The following TCF7L1 variants were observed in gnomAD, a reference collection of about 807,000 sequenced individuals.
TCF7L1 encodes the protein transcription factor 7 like 1.
A neutral mutation model predicts 63.7 loss-of-function variants in TCF7L1; 18 were observed. The ratio of observed to expected loss-of-function variants is 0.28; its 90% CI spans 0.20 to 0.42. The LOEUF (loss-of-function observed/expected upper bound fraction) is 0.42. Ranked by LOEUF, TCF7L1 falls within the 10% of genes least tolerant of loss-of-function variation. The probability of loss-of-function intolerance (pLI) is 1.00; values close to 1 mark genes in which losing one functional copy is unlikely to be tolerated. For missense variants in TCF7L1, 654 were observed against 779.3 expected, an observed-to-expected ratio of 0.84 and a Z score of 1.91; for synonymous variants, 355 against 340.9, an observed-to-expected ratio of 1.04 and a Z score of -0.46.
At chr2:85,255,295 G>A (rs1395907083) in intron 3 of TCF7L1, among the ~76,000 whole-genome samples, 1 of 152,166 alleles carries the variant, frequency 6.6e-6, no homozygotes, top group Non-Finnish European at 1.5e-5. Context: ...AAATGCAGGG[G>A]CTGAGCTGCT....
rs1035925636 is a variant in TCF7L1, at chr2:85,306,729, A to G, written c.1257+170A>G. ...AGGCTGGAGTGCATGCAGTGGCGCG[A>G]TCTCGGCTCACTGCAAGCTCCGCCT... is the stretch of plus-strand genomic sequence containing the variant. On this transcript the variant is annotated intron_variant, in intron 10 of 11. Coordinates refer to ENST00000282111, the MANE Select transcript of TCF7L1 (RefSeq NM_031283.3). This position sits in a 1 kb window ranked among gnomAD's most constrained non-coding sequence, Gnocchi z 4.3. Among the ~76,000 whole-genome samples, 1 of 152,122 alleles carries G rather than the reference A, an allele frequency of 6.6e-6. No homozygotes were observed.
intron 3 of TCF7L1, among the ~76,000 whole-genome samples, chr2:85,222,669 C>CA (rs60020804): frequency 0.097 from 5,596 of 57,620 alleles, 296 homozygotes; most frequent in East Asian, 0.23. Context: ...GACCCCATCT[C>CA]AAAAAAAAAA....
intron 3 of TCF7L1, among the ~76,000 whole-genome samples, chr2:85,141,918 G>A (rs376194933): frequency 3.3e-5 from 5 of 152,338 alleles, no homozygotes; most frequent in South Asian, 4.1e-4. Context: ...AAGTTGGCTA[G>A]AGTGGGGGCC....
chr2:85,161,185 G>C (rs532101633), intron 3 of TCF7L1, among the ~76,000 whole-genome samples: 1 of 152,176 alleles, frequency 6.6e-6, no homozygotes, highest in African/African-American at 2.4e-5. Flanking sequence ...ATGAAGTGTT[G>C]ACTCTGGAGT....
chr2:85,307,831 G>C (rs548162897), intron 11 of TCF7L1, 114 bp downstream of exon 11: 2 of 956,728 alleles, frequency 2.1e-6, no homozygotes, highest in African/African-American at 3.3e-5. Flanking sequence ...GTATTCGCGG[G>C]CGGGTATTAT....
chr2:85,165,666 T>A (rs1457376297), intron 3 of TCF7L1, among the ~76,000 whole-genome samples: 2 of 152,188 alleles, frequency 1.3e-5, no homozygotes, highest in Non-Finnish European at 2.9e-5. Context: ...TGGTGCCAGA[T>A]CATGGGCCCT....
chr2:85,164,553 A>G (rs1678371730), intron 3 of TCF7L1, among the ~76,000 whole-genome samples: 1 of 152,182 alleles, frequency 6.6e-6, no homozygotes, highest in Admixed American at 6.5e-5. Flanking sequence ...GCTATTCTGT[A>G]TCAACCGCTG....
chr2:85,154,078 A>G (rs1678084555), intron 3 of TCF7L1, among the ~76,000 whole-genome samples: 1 of 152,232 alleles, frequency 6.6e-6, no homozygotes, highest in East Asian at 1.9e-4. Flanking sequence ...AAAAATAAAT[A>G]AAGCCGAGGT....
intron 3 of TCF7L1, among the ~76,000 whole-genome samples, chr2:85,212,151 G>T (rs945005142): frequency 2.0e-5 from 3 of 151,054 alleles, no homozygotes. Context: ...AAAATCAGGA[G>T]GTATGGCAAG....
intron 3 of TCF7L1, among the ~76,000 whole-genome samples, chr2:85,150,895 T>C (rs2104204814): frequency 6.6e-6 from 1 of 152,274 alleles, no homozygotes; most frequent in South Asian, 2.1e-4. Flanking sequence ...CCAGAAACAA[T>C]TTCCACTGTG....
At chr2:85,207,727 ACGTT>A (rs755880532) in intron 3 of TCF7L1, among the ~76,000 whole-genome samples, 1 of 151,968 alleles carries the variant, frequency 6.6e-6, no homozygotes, top group Non-Finnish European at 1.5e-5. Context: ...AAAGTGATAC[ACGTT>A]CAGTAGAAAC....
At chr2:85,217,913 T>A (rs1679747096) in intron 3 of TCF7L1, among the ~76,000 whole-genome samples, 1 of 152,184 alleles carries the variant, frequency 6.6e-6, no homozygotes, top group Non-Finnish European at 1.5e-5. Flanking sequence ...ATTTTGGGGT[T>A]AGGGATGCTC....
intron 3 of TCF7L1, among the ~76,000 whole-genome samples, chr2:85,208,071 C>T (rs1043883086): frequency 2.6e-5 from 4 of 151,992 alleles, no homozygotes; most frequent in African/African-American, 9.7e-5. Context: ...CACACATGGC[C>T]AATTTTTTGT....
chr2:85,243,739 G>A (rs896805409), intron 3 of TCF7L1, among the ~76,000 whole-genome samples: 1 of 152,148 alleles, frequency 6.6e-6, no homozygotes, highest in Non-Finnish European at 1.5e-5. Flanking sequence ...CTTCGTTCAG[G>A]AGATATACGC....
intron 3 of TCF7L1, among the ~76,000 whole-genome samples, chr2:85,248,184 C>T (rs1262983074): frequency 6.6e-6 from 1 of 152,140 alleles, no homozygotes; most frequent in Non-Finnish European, 1.5e-5. Context: ...AACTGCCCCC[C>T]TGCAATATGA....
At chr2:85,238,626 A>G (rs563246793) in intron 3 of TCF7L1, among the ~76,000 whole-genome samples, 14 of 152,110 alleles carry the variant, frequency 9.2e-5, no homozygotes, top group South Asian at 4.2e-4. Context: ...GCCCTCATGG[A>G]TATCACATTC....
At position 85,220,807 on chromosome 2, in the gene TCF7L1, G is replaced by C. The variant is rs116557619; in HGVS notation, c.442-62688G>C. ...GTTATTTTGGTGCTTAAAAGAGAGA[G>C]AATATATATTTTGTAGCTCTATCCA... On this transcript the variant is annotated intron_variant, in intron 3 of 11. Transcript: ENST00000282111. 9.9e-3 allele frequency among the ~76,000 whole-genome samples: 1,508 copies of C among 152,262 alleles called. 24 individuals carry two copies. The highest frequency in any genetic ancestry group is 0.034 in the African/African-American group (1,424 of 41,536).
At chr2:85,280,855 G>C (rs1299669661) in intron 3 of TCF7L1, among the ~76,000 whole-genome samples, 2 of 152,130 alleles carry the variant, frequency 1.3e-5, no homozygotes, top group Non-Finnish European at 2.9e-5. Flanking sequence ...TCCGAGCAAA[G>C]AGAAGGCTGC....
intron 3 of TCF7L1, among the ~76,000 whole-genome samples, chr2:85,246,601 C>G (rs540201084): frequency 6.6e-6 from 1 of 152,336 alleles, no homozygotes; most frequent in African/African-American, 2.4e-5. Flanking sequence ...GCTCTCCACG[C>G]AGGTCTCCTG....
Sources: gnomAD v4.1 joint callset for allele counts (sites outside exome capture counted in the v4.1 genomes callset) on GRCh38, gnomAD v4.1.1 for gene constraint, Gnocchi (gnomAD v3.1) non-coding constraint, MANE v1.5 for transcripts, NCBI Gene and HGNC (gene_info 2026-07-23, HGNC 2026-07-21) for gene names.